DOCK3: variants seen among roughly 807,000 people sequenced by gnomAD.
The protein encoded by DOCK3 is dedicator of cytokinesis protein 3.
In DOCK3, 60 loss-of-function variants were observed where a neutral mutation model predicts 265.6. The ratio of observed to expected loss-of-function variants is 0.23; its 90% CI spans 0.18 to 0.28. The LOEUF is 0.28. Ranked by LOEUF, DOCK3 falls within the 10% of genes least tolerant of loss-of-function variation. The pLI, the probability that DOCK3 is intolerant of heterozygous loss-of-function variation, is 1.00. For missense variants in DOCK3, 1,981 were observed against 2,594.3 expected (o/e 0.76, Z 5.14); for synonymous variants, 881 against 938.0 (o/e 0.94, Z 1.11).
At chr3:51,292,723 A>T (rs1465686498) in intron 27 of DOCK3, among the ~76,000 whole-genome samples, 1 of 152,118 alleles carries the variant, frequency 6.6e-6, no homozygotes, top group Non-Finnish European at 1.5e-5. Context: ...TGTCTCCCAG[A>T]CTGGAGTGCA....
intron 25 of DOCK3, among the ~76,000 whole-genome samples, chr3:51,277,128 G>T (rs1209907357): frequency 6.6e-6 from 1 of 152,166 alleles, no homozygotes; most frequent in African/African-American, 2.4e-5. Flanking sequence ...GGAGAAAACA[G>T]CGTGCTTAGA....
chr3:50,874,490 G>A (rs965600161), intron 3 of DOCK3, among the ~76,000 whole-genome samples: 1 of 151,400 alleles, frequency 6.6e-6, no homozygotes, highest in Middle Eastern at 3.4e-3. Context: ...GTGATGAAAT[G>A]GGACCCTGTA....
intron 1 of DOCK3, among the ~76,000 whole-genome samples, chr3:50,678,701 G>A (rs2034162743): frequency 6.6e-6 from 1 of 152,100 alleles, no homozygotes; most frequent in African/African-American, 2.4e-5. Context: ...GAGTGCAGCG[G>A]CATGATCATA....
intron 3 of DOCK3, among the ~76,000 whole-genome samples, chr3:50,862,347 A>G (rs1341664052): frequency 6.6e-6 from 1 of 152,236 alleles, no homozygotes; most frequent in Non-Finnish European, 1.5e-5. Flanking sequence ...TCTAGCACCA[A>G]GCCCTTCGGG....
intron 9 of DOCK3, among the ~76,000 whole-genome samples, chr3:51,101,363 A>G (rs1280023984): frequency 5.3e-5 from 8 of 150,768 alleles, no homozygotes; most frequent in Non-Finnish European, 1.0e-4. Context: ...CTCATGATCC[A>G]CCTGCCTCGG....
intron 9 of DOCK3, among the ~76,000 whole-genome samples, chr3:51,141,671 G>A (rs1024933078): frequency 2.0e-4 from 30 of 152,062 alleles, no homozygotes; most frequent in Admixed American, 1.6e-3. Flanking sequence ...GATCTGATTC[G>A]TATTTTAAAA....
chr3:50,715,999 T>C (rs775120876), intron 1 of DOCK3, among the ~76,000 whole-genome samples: 5 of 152,164 alleles, frequency 3.3e-5, no homozygotes, highest in Non-Finnish European at 7.4e-5. Flanking sequence ...ACTAGGTGTT[T>C]ATAATTATAT....
intron 27 of DOCK3, among the ~76,000 whole-genome samples, chr3:51,287,269 C>A (rs2109083628): frequency 6.6e-6 from 1 of 152,282 alleles, no homozygotes; most frequent in African/African-American, 2.4e-5. Context: ...CTATCTGAGA[C>A]CACTCAGAAT....
Position 50,924,528 on chromosome 3 carries a change from G to A in DOCK3, c.219-9453G>A, listed in dbSNP as rs186573678. On this transcript the variant is annotated intron_variant, in intron 4 of 52. Coordinates refer to ENST00000266037, the MANE Select transcript of DOCK3 (RefSeq NM_004947.5). ...ACAGTGTTATGGCAAATAGGGTATT[G>A]AATAGTCTACTGAAGGTTATGTTTC... is the stretch of plus-strand genomic sequence containing the variant. Among the ~76,000 whole-genome samples, 32 of 152,322 alleles carry A rather than the reference G, an allele frequency of 2.1e-4. 1 individual carries two copies. The highest frequency in any genetic ancestry group is 1.2e-3 in the Admixed American group (19 of 15,304).
At chr3:50,870,401 A>G (rs992211845) in intron 3 of DOCK3, among the ~76,000 whole-genome samples, 1 of 152,026 alleles carries the variant, frequency 6.6e-6, no homozygotes, top group African/African-American at 2.4e-5. Context: ...TTTGTCTTGA[A>G]ATCTATTTTG....
At chr3:50,715,855 T>C (rs935756519) in intron 1 of DOCK3, among the ~76,000 whole-genome samples, 5 of 152,172 alleles carry the variant, frequency 3.3e-5, no homozygotes, top group Non-Finnish European at 5.9e-5. Context: ...AGGAGGATAT[T>C]TTAACATTTA....
chr3:50,915,862 T>A (rs562068079), intron 4 of DOCK3, among the ~76,000 whole-genome samples: 83 of 151,818 alleles, frequency 5.5e-4, no homozygotes, highest in Non-Finnish European at 9.6e-4. Context: ...CCCATAGCAG[T>A]AGGGGGAAGG....
intron 5 of DOCK3, among the ~76,000 whole-genome samples, chr3:50,977,569 C>T (rs2077504085): frequency 6.6e-6 from 1 of 152,090 alleles, no homozygotes. Context: ...CTTTGGCTAC[C>T]CTTAACATTT....
intron 12 of DOCK3, among the ~76,000 whole-genome samples, chr3:51,208,508 T>C (rs1033525669): frequency 3.3e-5 from 5 of 152,206 alleles, no homozygotes; most frequent in African/African-American, 1.2e-4. Context: ...GAAACAACTT[T>C]TCATGTGGGA....
At chr3:51,325,817 AAACC>A (rs2109867781) in intron 32 of DOCK3, among the ~76,000 whole-genome samples, 1 of 152,180 alleles carries the variant, frequency 6.6e-6, no homozygotes, top group African/African-American at 2.4e-5. Context: ...AAAGAACAGA[AAACC>A]AAACACTGCA....
intron 9 of DOCK3, among the ~76,000 whole-genome samples, chr3:51,112,307 A>G (rs2083555238): frequency 6.6e-6 from 1 of 152,140 alleles, no homozygotes; most frequent in Non-Finnish European, 1.5e-5. Context: ...AAGAATAGAG[A>G]AAAAATTATA....
intron 9 of DOCK3, among the ~76,000 whole-genome samples, chr3:51,109,629 A>G (rs2083432095): frequency 6.6e-6 from 1 of 152,160 alleles, no homozygotes; most frequent in African/African-American, 2.4e-5. Context: ...TAATAAGAAA[A>G]GAGAGAAGAC....
At chr3:50,758,058 G>C (rs1384383710) in intron 1 of DOCK3, among the ~76,000 whole-genome samples, 3 of 151,460 alleles carry the variant, frequency 2.0e-5, no homozygotes, top group African/African-American at 7.3e-5. Flanking sequence ...TGTGTGTGTA[G>C]TCCCAGCTAC....
intron 25 of DOCK3, among the ~76,000 whole-genome samples, chr3:51,276,182 T>G (rs1326058681): frequency 1.3e-5 from 2 of 152,176 alleles, no homozygotes; most frequent in Non-Finnish European, 2.9e-5. Flanking sequence ...TACTCTGATG[T>G]TCAAACTTAA....
Sources: allele counts gnomAD v4.1 joint callset (sites outside exome capture counted in the v4.1 genomes callset), GRCh38; gene constraint gnomAD v4.1.1; transcripts MANE v1.5; gene names NCBI Gene and HGNC (gene_info 2026-07-23, HGNC 2026-07-21).